Variants in DPYD observed in about 807,000 individuals in gnomAD.
The protein encoded by DPYD is dihydropyrimidine dehydrogenase.
A neutral mutation model predicts 116.2 loss-of-function variants in DPYD; 109 were observed. That is an observed-to-expected ratio of 0.94 (90% CI 0.80 to 1.10). DPYD has a LOEUF of 1.10. Ranked by LOEUF, DPYD falls within the 50% of genes least tolerant of loss-of-function variation. The pLI is 0.00. For missense variants in DPYD, 1,302 were observed against 1,254.5 expected, an observed-to-expected ratio of 1.04 and a Z score of -0.57; for synonymous variants, 440 against 432.0, an observed-to-expected ratio of 1.02 and a Z score of -0.23.
At chr1:97,161,082 T>C (rs1316183686) in intron 20 of DPYD, among the ~76,000 whole-genome samples, 1 of 152,170 alleles carries the variant, frequency 6.6e-6, no homozygotes, top group African/African-American at 2.4e-5. Flanking sequence ...TTGAATTGGC[T>C]GATTTGGAAG....
chr1:97,366,434 A>G (rs952826118), intron 16 of DPYD, among the ~76,000 whole-genome samples: 1 of 152,166 alleles, frequency 6.6e-6, no homozygotes, highest in Non-Finnish European at 1.5e-5. Flanking sequence ...CTTATACCAC[A>G]CAGTCATTTC....
intron 1 of DPYD, among the ~76,000 whole-genome samples, chr1:97,915,888 T>G (rs552506830): frequency 6.6e-6 from 1 of 152,286 alleles, no homozygotes; most frequent in East Asian, 1.9e-4. Context: ...TTCTTTGTCA[T>G]GATATTTTAC....
At chr1:97,745,959 A>G (rs758660749) in intron 3 of DPYD, among the ~76,000 whole-genome samples, 4 of 152,146 alleles carry the variant, frequency 2.6e-5, no homozygotes, top group Non-Finnish European at 5.9e-5. Context: ...CACAGCTAGA[A>G]AAAGACTACA....
intron 3 of DPYD, among the ~76,000 whole-genome samples, chr1:97,754,026 C>A (rs1416669205): frequency 1.3e-5 from 2 of 152,016 alleles, no homozygotes; most frequent in African/African-American, 4.8e-5. Context: ...TAAGACATGA[C>A]TTTTGTTCTT....
intron 20 of DPYD, among the ~76,000 whole-genome samples, chr1:97,161,496 A>C (rs1655893246): frequency 6.6e-6 from 1 of 152,120 alleles, no homozygotes; most frequent in Non-Finnish European, 1.5e-5. Flanking sequence ...AACAGCCATA[A>C]ATATACTTGG....
At chr1:97,776,351 G>T (rs1276250956) in intron 3 of DPYD, among the ~76,000 whole-genome samples, 1 of 152,082 alleles carries the variant, frequency 6.6e-6, no homozygotes, top group Non-Finnish European at 1.5e-5. Context: ...CTGTGCTGAA[G>T]TCCTAAAATT....
rs1395867558 is a variant in DPYD, at chr1:97,104,074, G to A, written c.2623-5442C>T. 2.6e-5 allele frequency among the ~76,000 whole-genome samples: 4 copies of A among 152,126 alleles called. No individual in the cohort carries two copies. In the South Asian group the frequency reaches 8.3e-4, roughly 32 times the overall value. ...TGCCCAGTGGTTTAGAATATCCTGG[G>A]CATATTTTAATCTCTGTGCCTACTG... On this transcript the variant is annotated intron_variant, in intron 20 of 22. Transcript: ENST00000370192.
intron 1 of DPYD, among the ~76,000 whole-genome samples, chr1:97,902,162 G>A (rs1673400681): frequency 6.6e-6 from 1 of 151,664 alleles, no homozygotes; most frequent in South Asian, 2.1e-4. Context: ...TCCTTAGAGT[G>A]TAAGAGCCAC....
chr1:97,280,347 A>G (rs1665240369), intron 18 of DPYD: 1 of 152,218 alleles, frequency 6.6e-6, no homozygotes, highest in South Asian at 2.1e-4. Context: ...TAACATCTTC[A>G]GAGACAGTAC....
intron 8 of DPYD, among the ~76,000 whole-genome samples, chr1:97,609,285 T>C (rs116425298): frequency 0.014 from 2,065 of 152,068 alleles, 21 homozygotes; most frequent in Middle Eastern, 0.037. Flanking sequence ...CAATGAAGTC[T>C]AGTTCAATCA....
At chr1:97,672,979 A>G (rs1173530156) in intron 8 of DPYD, among the ~76,000 whole-genome samples, 2 of 152,220 alleles carry the variant, frequency 1.3e-5, no homozygotes, top group East Asian at 3.9e-4. Context: ...GAGGCTAAAT[A>G]TAAAGACTAA....
chr1:97,675,636 T>C (rs1416825552), intron 8 of DPYD, among the ~76,000 whole-genome samples: 1 of 152,178 alleles, frequency 6.6e-6, no homozygotes, highest in Non-Finnish European at 1.5e-5. Flanking sequence ...CATTATGTCA[T>C]AGTTAATTAA....
At chr1:97,821,917 C>T (rs184777825) in intron 3 of DPYD, among the ~76,000 whole-genome samples, 1 of 151,794 alleles carries the variant, frequency 6.6e-6, no homozygotes, top group Admixed American at 6.6e-5. Flanking sequence ...ATTTTAAATC[C>T]CATTTTACAA....
At chr1:97,200,611 T>C (rs1173018809) in intron 19 of DPYD, among the ~76,000 whole-genome samples, 1 of 152,202 alleles carries the variant, frequency 6.6e-6, no homozygotes, top group Non-Finnish European at 1.5e-5. Context: ...GTTTAAACTA[T>C]GCAAAACATC....
At chr1:97,751,042 A>C (rs1304615839) in intron 3 of DPYD, among the ~76,000 whole-genome samples, 2 of 152,286 alleles carry the variant, frequency 1.3e-5, no homozygotes, top group East Asian at 3.9e-4. Context: ...AGTGAAAAAA[A>C]GTTTGGCCTT....
At chr1:97,363,372 A>G (rs1445881506) in intron 16 of DPYD, among the ~76,000 whole-genome samples, 3 of 152,228 alleles carry the variant, frequency 2.0e-5, no homozygotes, top group African/African-American at 7.2e-5. Context: ...AACTAGTTCA[A>G]TCATTGTGGA....
At chr1:97,886,752 A>G (rs1672510414) in intron 1 of DPYD, among the ~76,000 whole-genome samples, 1 of 152,012 alleles carries the variant, frequency 6.6e-6, no homozygotes, top group Non-Finnish European at 1.5e-5. Flanking sequence ...AACAATAAAA[A>G]TGTTCATGTC....
At chr1:97,466,292 T>TA (rs1312871847) in intron 13 of DPYD, among the ~76,000 whole-genome samples, 1 of 152,212 alleles carries the variant, frequency 6.6e-6, no homozygotes, top group East Asian at 1.9e-4. Context: ...TCACTTTGGT[T>TA]AAAATACTGA....
chr1:97,738,594 C>A (rs1452094832), intron 4 of DPYD, among the ~76,000 whole-genome samples: 1 of 152,074 alleles, frequency 6.6e-6, no homozygotes, highest in Non-Finnish European at 1.5e-5. Flanking sequence ...ACATTGTACA[C>A]AGCTGGTAAA....
Sources: gnomAD v4.1 joint callset for allele counts (sites outside exome capture counted in the v4.1 genomes callset) on GRCh38, gnomAD v4.1.1 for gene constraint, MANE v1.5 for transcripts, NCBI Gene and HGNC (gene_info 2026-07-23, HGNC 2026-07-21) for gene names.